NDUFAF7: variants seen among roughly 807,000 people sequenced by gnomAD.
The protein encoded by NDUFAF7 is protein arginine methyltransferase NDUFAF7, mitochondrial.
NDUFAF7 carries 48 observed loss-of-function variants against 47.2 expected under a neutral mutation model. The ratio of observed to expected loss-of-function variants is 1.02; its 90% CI spans 0.81 to 1.29. The LOEUF (loss-of-function observed/expected upper bound fraction) is 1.29, where lower values mean the gene tolerates loss of function less well. Ranked by LOEUF, NDUFAF7 falls within the 50% of genes most tolerant of loss-of-function variation. The pLI, the probability that NDUFAF7 is intolerant of heterozygous loss-of-function variation, is 0.00. For synonymous variants in NDUFAF7, 217 were observed against 190.0 expected, an observed-to-expected ratio of 1.14 and a Z score of -1.17; for missense variants, 635 against 537.6, an observed-to-expected ratio of 1.18 and a Z score of -1.79.
At chr2:37,235,141 A>G (rs1665618412) in intron 2 of NDUFAF7, among the ~76,000 whole-genome samples, 1 of 152,046 alleles carries the variant, frequency 6.6e-6, no homozygotes, top group African/African-American at 2.4e-5. Flanking sequence ...GGAGGAGGTC[A>G]GCTAGGTGGC....
At chr2:37,233,764 A>G (rs887008884) in intron 2 of NDUFAF7, among the ~76,000 whole-genome samples, 1 of 152,210 alleles carries the variant, frequency 6.6e-6, no homozygotes, top group Non-Finnish European at 1.5e-5. Flanking sequence ...AAGGTTTCCC[A>G]GCATTGAGAG....
intron 4 of NDUFAF7, 111 bp downstream of exon 4, chr2:37,237,978 C>T (rs1472984040): frequency 3.8e-6 from 3 of 788,710 alleles, no homozygotes; most frequent in Non-Finnish European, 6.6e-6. Context: ...TCATATTTCT[C>T]AGCTAAAATA....
intron 4 of NDUFAF7, among the ~76,000 whole-genome samples, chr2:37,239,246 G>A (rs1666113301): frequency 6.6e-6 from 1 of 151,562 alleles, no homozygotes. Flanking sequence ...AGCCTCTTGA[G>A]TAGCAGGGAT....
rs538844714 is a variant in NDUFAF7 at position 37,247,938 on chromosome 2, G to C, written c.1111-197G>C. On this transcript the variant is annotated intron_variant, in intron 9 of 9. Coordinates refer to ENST00000002125, the MANE Select transcript of NDUFAF7 (RefSeq NM_144736.5). Reference sequence around the variant, plus strand: ...TAGATCAAACCCCCTGAGGATATTTGTTAAAAATGCAAATCCTTAGGTTTG... The same window carrying C: ...TAGATCAAACCCCCTGAGGATATTTCTTAAAAATGCAAATCCTTAGGTTTG... 4.6e-5 allele frequency among the ~76,000 whole-genome samples: 7 copies of C among 152,284 alleles called. No individual in the cohort carries two copies. In the South Asian group the frequency reaches 1.4e-3, roughly 32 times the overall value.
the NDUFAF7 span, among the ~76,000 whole-genome samples, chr2:37,267,128 T>C: frequency 2.0e-5 from 3 of 152,218 alleles, no homozygotes; most frequent in Non-Finnish European, 4.4e-5. Context: ...ATGACAAGCA[T>C]GTCACCTGTG....
chr2:37,246,083 G>A lies in NDUFAF7; in HGVS notation c.824G>A (p.Cys275Tyr). The change falls in exon 8 of 10, where the codon TGT becomes TAT. Residue 275 changes from cysteine (C) to tyrosine (Y), a missense_variant. Coordinates refer to ENST00000002125, the MANE Select transcript of NDUFAF7 (RefSeq NM_144736.5). ...HDETRDHVEV[C>Y]PDAGVIIEEL... ...GAAACAAGGGATCATGTTGAAGTGTGTCCTGATGCTGGTGTTATCATCGAG... is the reference window on the plus strand; with the variant it reads ...GAAACAAGGGATCATGTTGAAGTGTATCCTGATGCTGGTGTTATCATCGAG... The A allele has an allele frequency of 6.2e-7, 1 of 1,613,944 alleles. No homozygotes were observed. Among genetic ancestry groups the A allele is most frequent in the Admixed American group, 1.7e-5 (1 of 59,990 alleles).
chr2:37,268,481 A>C, the NDUFAF7 span: 3 of 383,998 alleles, frequency 7.8e-6, no homozygotes, highest in South Asian at 2.0e-5. Context: ...GAAGATCCAG[A>C]CATCTCACAG....
chr2:37,256,887 T>C, downstream of NDUFAF7: 2 of 1,614,000 alleles, frequency 1.2e-6, no homozygotes, highest in Non-Finnish European at 1.7e-6. Context: ...CTGAATGACT[T>C]TTCACCAATG....
chr2:37,270,631 A>G, the NDUFAF7 span, among the ~76,000 whole-genome samples: 1 of 152,204 alleles, frequency 6.6e-6, no homozygotes, highest in Non-Finnish European at 1.5e-5. Flanking sequence ...CACTTAGCAG[A>G]CCCACACTTA....
chr2:37,257,837 C>T (rs1301083857), downstream of NDUFAF7, among the ~76,000 whole-genome samples: 1 of 152,026 alleles, frequency 6.6e-6, no homozygotes, highest in Non-Finnish European at 1.5e-5. Flanking sequence ...ATGCTGGAGA[C>T]TGCCCCAGTG....
At chr2:37,270,208 C>T in the NDUFAF7 span, among the ~76,000 whole-genome samples, 6 of 150,662 alleles carry the variant, frequency 4.0e-5, no homozygotes, top group Non-Finnish European at 1.5e-5. Context: ...GCCTGGGCAA[C>T]AAGAGCGAGA....
rs759107538 is a variant in NDUFAF7 at position 37,246,168 on chromosome 2, T to C, written c.909T>C (p.His303=). ...CTGCACTGGTTGCTGATTATGGTCATGATGGAACAAAGACAGATACCTTCA... is the reference window on the plus strand; with the variant it reads ...CTGCACTGGTTGCTGATTATGGTCACGATGGAACAAAGACAGATACCTTCA... ...GGAALVADYG[H]DGTKTDTFRG... is the part of the protein sequence containing the mutation. Residue 303 remains histidine, a synonymous_variant, in exon 8 of 10, where the codon CAT becomes CAC. Coordinates refer to ENST00000002125, the MANE Select transcript of NDUFAF7 (RefSeq NM_144736.5). 5.0e-6 allele frequency: 8 copies of C among 1,613,808 alleles called. No individual in the cohort carries two copies. Among genetic ancestry groups the C allele is most frequent in the Non-Finnish European group, 6.8e-6 (8 of 1,179,840 alleles).
At chr2:37,237,216 C>A (rs541914113) in intron 3 of NDUFAF7, among the ~76,000 whole-genome samples, 4 of 152,238 alleles carry the variant, frequency 2.6e-5, no homozygotes, top group Admixed American at 2.6e-4. Context: ...GTGGTCCACC[C>A]GCCTCAGCCT....
chr2:37,237,032 G>A (rs911019212), intron 3 of NDUFAF7, among the ~76,000 whole-genome samples: 5 of 152,018 alleles, frequency 3.3e-5, no homozygotes, highest in Admixed American at 6.6e-5. Flanking sequence ...GTGTAGTGGC[G>A]CAATCTCGGC....
chr2:37,232,945 G>A (rs1665334051), intron 2 of NDUFAF7, among the ~76,000 whole-genome samples: 1 of 152,204 alleles, frequency 6.6e-6, no homozygotes. Context: ...TCTGGGGTTA[G>A]ATTGGCCATT....
At chr2:37,256,373 GAA>G (rs1008290750), downstream of NDUFAF7, among the ~76,000 whole-genome samples, 2 of 152,188 alleles carry the variant, frequency 1.3e-5, no homozygotes, top group Admixed American at 6.5e-5. Flanking sequence ...GGAAGGACCA[GAA>G]AAGAGTTTAA....
the NDUFAF7 span, among the ~76,000 whole-genome samples, chr2:37,258,945 G>T: frequency 2.0e-5 from 3 of 152,042 alleles, no homozygotes; most frequent in Admixed American, 2.0e-4. Context: ...AATGGCTGCA[G>T]GGTACCACCA....
At chr2:37,242,715 C>A in intron 6 of NDUFAF7, 22 bp downstream of exon 6, 2 of 1,544,914 alleles carry the variant, frequency 1.3e-6, no homozygotes, top group South Asian at 2.2e-5. Flanking sequence ...GGAAAAAAGT[C>A]ATGTCTATAA....
Position 37,245,655 on chromosome 2 carries a change from C to CT in NDUFAF7, c.793-396dup, listed in dbSNP as rs1666823002. On this transcript the variant is annotated intron_variant, in intron 7 of 9. Transcript: ENST00000002125. ...TCTTTCAGCACAATATTTTCATTGA[C>CT]TGTTATGTGCCTGGCACTGTTCTAG... Among the ~76,000 whole-genome samples, 4 of 148,076 alleles carry CT rather than the reference C, an allele frequency of 2.7e-5. No homozygotes were observed. The South Asian group carries it at 8.8e-4, about 33-fold the overall frequency.
Sources: gnomAD v4.1 joint callset for allele counts (sites outside exome capture counted in the v4.1 genomes callset) on GRCh38, gnomAD v4.1.1 for gene constraint, MANE v1.5 for transcripts, NCBI Gene and HGNC (gene_info 2026-07-23, HGNC 2026-07-21) for gene names.